The following LRRK2 variants were observed in gnomAD, a reference collection of about 807,000 sequenced individuals.
LRRK2 encodes the protein leucine rich repeat kinase 2, also known as leucine-rich repeat serine/threonine-protein kinase 2.
A neutral mutation model predicts 302.6 loss-of-function variants in LRRK2; 203 were observed. The ratio of observed to expected loss-of-function variants is 0.67; its 90% CI spans 0.60 to 0.75. LRRK2 has a LOEUF of 0.75. Among genes scored for constraint, LRRK2 ranks in the 30% least tolerant of loss-of-function variants. The probability of loss-of-function intolerance (pLI) is 0.00; values close to 1 mark genes in which losing one functional copy is unlikely to be tolerated. For missense variants in LRRK2, 2,830 were observed against 2,951.0 expected (o/e 0.96, Z 0.95); for synonymous variants, 1,066 against 1,031.9 (o/e 1.03, Z -0.63).
At chr12:40,299,928 A>G (rs1195005695) in intron 25 of LRRK2, among the ~76,000 whole-genome samples, 1 of 152,132 alleles carries the variant, frequency 6.6e-6, no homozygotes, top group Non-Finnish European at 1.5e-5. Flanking sequence ...ATAGTCTATA[A>G]TTTAAAAAAA....
intron 33 of LRRK2, among the ~76,000 whole-genome samples, chr12:40,315,546 C>T (rs1452662976): frequency 6.6e-6 from 1 of 151,968 alleles, no homozygotes; most frequent in Non-Finnish European, 1.5e-5. Flanking sequence ...TCACTCTGCC[C>T]CATGCTGCTT....
chr12:40,227,463 C>T (rs974968962), intron 2 of LRRK2, among the ~76,000 whole-genome samples: 10 of 152,122 alleles, frequency 6.6e-5, no homozygotes, highest in Non-Finnish European at 1.0e-4. Context: ...CCTCCCCATC[C>T]TTTCATTTCC....
rs1378712883 is a variant in LRRK2 at position 40,298,281 on chromosome 12, TA to T, written c.3138del (p.Lys1046AsnfsTer10). On this transcript the variant is annotated frameshift_variant, in exon 24 of 51. Coordinates refer to ENST00000298910, the MANE Select transcript of LRRK2 (RefSeq NM_198578.4). LOFTEE classifies it high-confidence loss of function. The stretch of plus-strand genomic sequence containing the variant: ...TGACACATTTGGACTTGCACAGTAA[TA>T]AATTTACATCATTTCCTTCTTATTT... Reference protein sequence around the residue: ...SLTHLDLHSNKFTSFPSYLLK... With the variant: ...SLTHLDLHSNXFTSFPSYLLK... The T allele has an allele frequency of 2.5e-6, 4 of 1,613,642 alleles. No individual in the cohort carries two copies. Among genetic ancestry groups the T allele is most frequent in the Admixed American group, 1.7e-5 (1 of 59,976 alleles).
intron 14 of LRRK2, among the ~76,000 whole-genome samples, chr12:40,272,498 A>G (rs1029123638): frequency 4.6e-5 from 7 of 152,168 alleles, no homozygotes; most frequent in African/African-American, 1.7e-4. Flanking sequence ...AATACATATG[A>G]AGTTCTTAAA....
chr12:40,241,989 A>T (rs1941743933), intron 6 of LRRK2, among the ~76,000 whole-genome samples: 1 of 152,132 alleles, frequency 6.6e-6, no homozygotes, highest in Non-Finnish European at 1.5e-5. Flanking sequence ...TTCCTTGGCT[A>T]TATTTATTCA....
intron 14 of LRRK2, among the ~76,000 whole-genome samples, chr12:40,268,567 T>C (rs1009915581): frequency 1.3e-5 from 2 of 152,106 alleles, no homozygotes; most frequent in Non-Finnish European, 2.9e-5. Flanking sequence ...ACTAAATTTT[T>C]AAAAATGAAA....
At chr12:40,321,269 G>T in intron 35 of LRRK2, 81 bp downstream of exon 35, 1 of 1,346,768 alleles carries the variant, frequency 7.4e-7, no homozygotes, top group Non-Finnish European at 1.0e-6. Flanking sequence ...TTAGGGAGAT[G>T]GCATATGAAA....
At chr12:40,360,896 C>G (rs2137034734) in intron 47 of LRRK2, among the ~76,000 whole-genome samples, 1 of 152,008 alleles carries the variant, frequency 6.6e-6, no homozygotes, top group South Asian at 2.1e-4. Flanking sequence ...TCAGTCCAAG[C>G]ACCACTTGCT....
Position 40,340,417 on chromosome 12 carries a change from C to G in LRRK2, c.6072C>G (p.Cys2024Trp). 1.2e-6 allele frequency: 2 copies of G among 1,613,824 alleles called. No individual in the cohort carries two copies. Among genetic ancestry groups the G allele is most frequent in the Non-Finnish European group, 1.7e-6 (2 of 1,179,836 alleles). The part of the protein sequence containing the change: ...KIADYGIAQY[C>W]CRMGIKTSEG... ...CTGACTACGGCATTGCTCAGTACTG[C>G]TGTAGAATGGGGATAAAAACATCAG... Residue 2024 changes from cysteine to tryptophan, a missense_variant, in exon 41 of 51, where the codon TGC becomes TGG. Transcript: ENST00000298910.
chr12:40,344,318 C>T (rs2136967038), intron 41 of LRRK2, among the ~76,000 whole-genome samples: 1 of 152,128 alleles, frequency 6.6e-6, no homozygotes, highest in South Asian at 2.1e-4. Flanking sequence ...TGAATAGTAC[C>T]TAGATATAAT....
At chr12:40,254,635 A>G (rs1028785781) in intron 11 of LRRK2, among the ~76,000 whole-genome samples, 1 of 152,288 alleles carries the variant, frequency 6.6e-6, no homozygotes, top group Non-Finnish European at 1.5e-5. Context: ...TGGTGACATC[A>G]TTCATAACCA....
At chr12:40,364,613 C>T (rs1946821341) in intron 48 of LRRK2, among the ~76,000 whole-genome samples, 1 of 151,454 alleles carries the variant, frequency 6.6e-6, no homozygotes, top group Non-Finnish European at 1.5e-5. Context: ...TTCATAATTT[C>T]CTGAAAATGA....
intron 14 of LRRK2, among the ~76,000 whole-genome samples, chr12:40,266,671 T>C (rs948362236): frequency 2.6e-5 from 4 of 152,182 alleles, no homozygotes; most frequent in African/African-American, 9.7e-5. Flanking sequence ...CAAAGGATTA[T>C]AAATCATGCT....
chr12:40,322,131 A>G lies in LRRK2; in HGVS notation c.5267A>G (p.Asp1756Gly), dbSNP rs1038343436. The change falls in exon 36 of 51, where the codon GAC becomes GGC. Residue 1756 changes from aspartate (D) to glycine (G), a missense_variant. Around this residue, in one of 3 missense-constraint regions of LRRK2, gnomAD observed 2,121 missense variants for 2,148.0 expected, o/e 0.99. Coordinates refer to ENST00000298910, the MANE Select transcript of LRRK2 (RefSeq NM_198578.4). ...AYCLVGSEVL[D>G]NHPESFLKIT... Reference sequence around the variant, plus strand: ...TGTCTGGTAGGATCTGAAGTCTTAGACAATCATCCAGAGAGTTTCTTAAAA... The same window carrying G: ...TGTCTGGTAGGATCTGAAGTCTTAGGCAATCATCCAGAGAGTTTCTTAAAA... 2 of 1,613,180 alleles carry G rather than the reference A, an allele frequency of 1.2e-6. No individual in the cohort carries two copies. Among genetic ancestry groups the G allele is most frequent in the Non-Finnish European group, 1.7e-6 (2 of 1,179,340 alleles).
chr12:40,312,562 C>T (rs562805232), intron 31 of LRRK2, among the ~76,000 whole-genome samples: 1 of 152,080 alleles, frequency 6.6e-6, no homozygotes, highest in African/African-American at 2.4e-5. Context: ...TCTGTCTCAA[C>T]CTTATTAACA....
intron 24 of LRRK2, among the ~76,000 whole-genome samples, chr12:40,298,791 A>ATGTAT (rs1565726864): frequency 1.7e-5 from 2 of 116,114 alleles, no homozygotes; most frequent in Non-Finnish European, 3.6e-5. Flanking sequence ...ATATATATAT[A>ATGTAT]TATATATAAT....
chr12:40,356,213 T>C, intron 46 of LRRK2, 26 bp downstream of exon 46: 1 of 1,525,512 alleles, frequency 6.6e-7, no homozygotes, highest in Non-Finnish European at 9.0e-7. Context: ...ATTCTACATC[T>C]AAATTTATTT....
chr12:40,321,892 A>G (rs1251870324), intron 35 of LRRK2, 143 bp from the exon 36 acceptor site: 8 of 718,800 alleles, frequency 1.1e-5, no homozygotes, highest in Non-Finnish European at 1.6e-5. Context: ...TTTAATAGAT[A>G]TGGATGAGGA....
intron 10 of LRRK2, among the ~76,000 whole-genome samples, 200 bp downstream of exon 10, chr12:40,251,744 G>A (rs1409577950): frequency 6.6e-6 from 1 of 152,200 alleles, no homozygotes; most frequent in African/African-American, 2.4e-5. Context: ...TAGAATGAGA[G>A]TTATTATTGA....
Sources: gnomAD v4.1 joint callset for allele counts (sites outside exome capture counted in the v4.1 genomes callset) on GRCh38, gnomAD v4.1.1 for gene constraint, gnomAD v4.1.1 regional missense constraint, MANE v1.5 for transcripts, NCBI Gene and HGNC (gene_info 2026-07-23, HGNC 2026-07-21) for gene names.